Variants in RPS6KC1 observed in about 807,000 individuals in gnomAD.
The protein encoded by RPS6KC1 is ribosomal protein S6 kinase C1.
RPS6KC1 carries 54 observed loss-of-function variants against 103.8 expected under a neutral mutation model. That is an observed-to-expected ratio of 0.52 (90% confidence interval 0.42 to 0.65). The LOEUF is 0.65. RPS6KC1 is among the 30% of genes least tolerant of loss of function. RPS6KC1 has a pLI of 0.00. For missense variants in RPS6KC1, 1,151 were observed against 1,253.8 expected (o/e 0.92, Z 1.24); for synonymous variants, 439 against 438.7 (o/e 1.00, Z -0.01).
intron 8 of RPS6KC1, among the ~76,000 whole-genome samples, chr1:213,215,202 A>G (rs1472614209): frequency 6.6e-6 from 1 of 152,244 alleles, no homozygotes; most frequent in African/African-American, 2.4e-5. Flanking sequence ...TGGAGCTGAA[A>G]ACCATGGCAC....
chr1:213,523,633 T>G, the RPS6KC1 span, among the ~76,000 whole-genome samples: 1 of 152,220 alleles, frequency 6.6e-6, no homozygotes, highest in Admixed American at 6.5e-5. Flanking sequence ...GTTGTTGTCA[T>G]TGTTATCTTT....
At chr1:213,448,247 A>C in the RPS6KC1 span, among the ~76,000 whole-genome samples, 1 of 100,288 alleles carries the variant, frequency 1.0e-5, no homozygotes. Context: ...AAAAAAAAAA[A>C]GGAAAAAGAA....
the RPS6KC1 span, among the ~76,000 whole-genome samples, chr1:213,603,234 A>G: frequency 6.6e-6 from 1 of 152,254 alleles, no homozygotes. Flanking sequence ...TGCTGGCCCC[A>G]GACCCTGTGC....
chr1:213,653,230 G>A, the RPS6KC1 span, among the ~76,000 whole-genome samples: 1 of 152,130 alleles, frequency 6.6e-6, no homozygotes, highest in Non-Finnish European at 1.5e-5. Context: ...AGGTCGAGAC[G>A]GGCAGATAGC....
intron 1 of RPS6KC1, among the ~76,000 whole-genome samples, chr1:213,054,368 G>A (rs547369576): frequency 2.6e-5 from 4 of 152,244 alleles, no homozygotes; most frequent in African/African-American, 7.2e-5. Flanking sequence ...TTTTTAAAAT[G>A]TAAGGTCTGA....
the RPS6KC1 span, among the ~76,000 whole-genome samples, chr1:213,708,218 G>A: frequency 6.6e-6 from 1 of 152,110 alleles, no homozygotes; most frequent in African/African-American, 2.4e-5. Context: ...ATTTCCTTGA[G>A]CAGTTGTTTG....
chr1:213,609,384 T>C, the RPS6KC1 span, among the ~76,000 whole-genome samples: 3 of 152,176 alleles, frequency 2.0e-5, no homozygotes, highest in Non-Finnish European at 4.4e-5. Context: ...CCTAAGTCTT[T>C]GTCCTCACGC....
At chr1:213,508,400 G>A in the RPS6KC1 span, among the ~76,000 whole-genome samples, 2 of 152,194 alleles carry the variant, frequency 1.3e-5, no homozygotes, top group Admixed American at 6.5e-5. Flanking sequence ...CCCCCAGAAA[G>A]AGCATCTTGA....
the RPS6KC1 span, among the ~76,000 whole-genome samples, chr1:213,518,219 G>C: frequency 6.6e-6 from 1 of 152,098 alleles, no homozygotes; most frequent in East Asian, 1.9e-4. Flanking sequence ...TAAAATATAT[G>C]TCCTTGTTCC....
chr1:213,669,886 G>T, the RPS6KC1 span, among the ~76,000 whole-genome samples: 4 of 151,922 alleles, frequency 2.6e-5, no homozygotes, highest in Non-Finnish European at 5.9e-5. Context: ...ACCCTATAAG[G>T]TTCACACTTT....
the RPS6KC1 span, among the ~76,000 whole-genome samples, chr1:213,562,593 G>A: frequency 2.6e-5 from 4 of 151,752 alleles, no homozygotes; most frequent in Non-Finnish European, 5.9e-5. Context: ...TGGTCTTGAT[G>A]TCCTGACCTT....
chr1:213,144,775 A>G (rs1263564279), intron 6 of RPS6KC1, among the ~76,000 whole-genome samples: 1 of 152,062 alleles, frequency 6.6e-6, no homozygotes, highest in East Asian at 1.9e-4. Flanking sequence ...TCTAGTAGTC[A>G]CATTAAAAAA....
At chr1:213,765,584 T>C in the RPS6KC1 span, among the ~76,000 whole-genome samples, 27 of 152,178 alleles carry the variant, frequency 1.8e-4, no homozygotes, top group Non-Finnish European at 3.1e-4. Context: ...AGCTCTGTCA[T>C]AGACTCATAA....
chr1:213,623,055 C>T, the RPS6KC1 span, among the ~76,000 whole-genome samples: 1 of 152,102 alleles, frequency 6.6e-6, no homozygotes, highest in Admixed American at 6.5e-5. Flanking sequence ...ATGCCTCGAT[C>T]GATCCATTCA....
the RPS6KC1 span, among the ~76,000 whole-genome samples, chr1:213,316,449 C>G: frequency 1.3e-5 from 2 of 152,132 alleles, no homozygotes; most frequent in East Asian, 1.9e-4. Flanking sequence ...AATTACATTA[C>G]CAAATTGGGA....
intron 1 of RPS6KC1, among the ~76,000 whole-genome samples, chr1:213,060,220 A>C (rs1211116929): frequency 2.0e-5 from 3 of 152,260 alleles, no homozygotes; most frequent in Non-Finnish European, 4.4e-5. Context: ...GAAAAAAGAA[A>C]GAACCTACTA....
chr1:213,756,930 T>A, the RPS6KC1 span, among the ~76,000 whole-genome samples: 6 of 152,168 alleles, frequency 3.9e-5, no homozygotes, highest in Admixed American at 2.0e-4. Context: ...TTATTATTAT[T>A]ATATCTGTTA....
At chr1:213,690,061 A>G in the RPS6KC1 span, among the ~76,000 whole-genome samples, 1 of 151,948 alleles carries the variant, frequency 6.6e-6, no homozygotes, top group East Asian at 1.9e-4. Context: ...AGCCCACCAC[A>G]CACAAGCTGG....
the RPS6KC1 span, among the ~76,000 whole-genome samples, chr1:213,474,346 T>G: frequency 3.0e-3 from 450 of 152,262 alleles, 10 homozygotes; most frequent in East Asian, 0.056. Context: ...AAGTCCTGGT[T>G]TCTGAGGGTG....
Sources: gnomAD v4.1 joint callset for allele counts (sites outside exome capture counted in the v4.1 genomes callset) on GRCh38, gnomAD v4.1.1 for gene constraint, MANE v1.5 for transcripts, NCBI Gene and HGNC (gene_info 2026-07-23, HGNC 2026-07-21) for gene names.